MCF2L: variants seen among roughly 807,000 people sequenced by gnomAD.
MCF2L encodes the protein MCF.2 cell line derived transforming sequence like.
A neutral mutation model predicts 153.4 loss-of-function variants in MCF2L; 97 were observed. The ratio of observed to expected loss-of-function variants is 0.63; its 90% CI spans 0.54 to 0.75. The LOEUF (loss-of-function observed/expected upper bound fraction) is 0.75. Among genes scored for constraint, MCF2L ranks in the 30% least tolerant of loss-of-function variants. The pLI, the probability that MCF2L is intolerant of heterozygous loss-of-function variation, is 0.00. For synonymous variants in MCF2L, 659 were observed against 632.2 expected, an observed-to-expected ratio of 1.04 and a Z score of -0.64; for missense variants, 1,347 against 1,495.2, an observed-to-expected ratio of 0.90 and a Z score of 1.64.
At position 113,082,482 on chromosome 13, in the gene MCF2L, T is replaced by C; in HGVS notation, c.1931T>C (p.Leu644Pro). ...ATGGCTCACCTCCTGTCAACAGGCC[T>C]TCACAACAAGAAGGATGTTTTGTTT... ...PLMAHLLSTGLHNKKDVLFGN... is the reference protein window; with the variant it reads ...PLMAHLLSTGPHNKKDVLFGN... The change falls in exon 17 of 30, where the codon CTT (leucine) becomes CCT (proline). Residue 644 changes from leucine (L) to proline (P), a missense_variant. Physicochemically the swap from Leu to Pro is moderately conservative, Grantham distance 98. Around this residue, in one of 3 missense-constraint regions of MCF2L, gnomAD observed 820 missense variants for 921.2 expected, o/e 0.89. Coordinates refer to ENST00000535094, the MANE Select transcript of MCF2L (RefSeq NM_001112732.3). 6.2e-7 allele frequency: 1 copy of C among 1,614,072 alleles called. No individual in the cohort carries two copies. The highest frequency in any genetic ancestry group is 8.5e-7 in the Non-Finnish European group (1 of 1,179,946).
rs1234863000 is a variant in MCF2L, at chr13:113,075,118, T to C, written c.1237T>C (p.Phe413Leu). ...CQELRHLCDQ[F>L]SAEIARRRGL... ...GGAGCTCCGGCACCTCTGTGACCAG[T>C]TCTCTGCGGAGATCGCAAGGAGGAG... Residue 413 changes from phenylalanine to leucine, a missense_variant, in exon 11 of 30, where the codon TTC becomes CTC. Physicochemically the swap from Phe to Leu is conservative, Grantham distance 22. This residue lies in a region of MCF2L where 820 missense variants were observed against 921.2 expected (regional missense o/e 0.89). Coordinates refer to ENST00000535094, the MANE Select transcript of MCF2L (RefSeq NM_001112732.3). 8.1e-6 allele frequency: 13 copies of C among 1,613,410 alleles called. No homozygotes were observed. The highest frequency in any genetic ancestry group is 1.1e-5 in the Non-Finnish European group (13 of 1,179,886).
intron 2 of MCF2L, among the ~76,000 whole-genome samples, chr13:112,905,088 CT>C (rs1232731605): frequency 1.3e-5 from 2 of 152,174 alleles, no homozygotes; most frequent in African/African-American, 4.8e-5. Flanking sequence ...CCCATTCCCC[CT>C]GTTGGAAATA....
chr13:113,058,209 C>T (rs1371894069), intron 4 of MCF2L, among the ~76,000 whole-genome samples: 12 of 114,216 alleles, frequency 1.1e-4, no homozygotes, highest in African/African-American at 3.1e-4. Context: ...AGTTTTTGGG[C>T]GCTGTGTGTT....
At chr13:112,912,315 T>C (rs1226840040) in intron 2 of MCF2L, among the ~76,000 whole-genome samples, 1 of 151,396 alleles carries the variant, frequency 6.6e-6, no homozygotes, top group Non-Finnish European at 1.5e-5. Context: ...AATCTATTAA[T>C]TTATTCCTTT....
Position 113,074,588 on chromosome 13 carries a change from G to T in MCF2L, c.1116+25G>T, listed in dbSNP as rs138927691. 1.2e-6 allele frequency: 2 copies of T among 1,610,480 alleles called. No homozygotes were observed. The highest frequency in any genetic ancestry group is 1.1e-5 in the South Asian group (1 of 91,028). ...CGTAAGGCGGGGTCCCGGCGGGGGC[G>T]GCGGGAGAGTGTGGGCAGCATCATC... On this transcript the variant is annotated intron_variant, in intron 10 of 29. Transcript: ENST00000535094. The surrounding 1 kb of genome is among the most constrained non-coding windows in gnomAD (Gnocchi z 4.2).
At chr13:112,999,651 G>T (rs1434083211) in intron 1 of MCF2L, among the ~76,000 whole-genome samples, 6 of 152,204 alleles carry the variant, frequency 3.9e-5, no homozygotes, top group Admixed American at 3.3e-4. Context: ...TGAGCACATT[G>T]TGGGAGAGGG....
chr13:112,945,664 C>T (rs1289462579), intron 2 of MCF2L, among the ~76,000 whole-genome samples: 1 of 152,232 alleles, frequency 6.6e-6, no homozygotes, highest in Non-Finnish European at 1.5e-5. Flanking sequence ...CCTGGATGCT[C>T]ACATGGCCTC....
chr13:113,052,944 C>T (rs932073421), intron 4 of MCF2L, among the ~76,000 whole-genome samples: 3 of 152,080 alleles, frequency 2.0e-5, no homozygotes, highest in East Asian at 1.9e-4. Flanking sequence ...GACATGCATA[C>T]ACTCAGAGAC....
intron 3 of MCF2L, chr13:113,043,439 C>T (rs562560468): frequency 6.6e-6 from 1 of 152,466 alleles, no homozygotes; most frequent in East Asian, 1.9e-4. Flanking sequence ...CCAAAGGCAG[C>T]TCTGACCACG....
intron 2 of MCF2L, among the ~76,000 whole-genome samples, chr13:112,926,196 G>A (rs2081400377): frequency 6.6e-6 from 1 of 152,156 alleles, no homozygotes; most frequent in South Asian, 2.1e-4. Context: ...GTGCAGTATG[G>A]CCTGGTCTAT....
Position 113,054,210 on chromosome 13 carries a change from C to T in MCF2L, c.370-6383C>T, listed in dbSNP as rs2141651256. ...GATGCACGCCTGTTCTCCAGGTCTGCTTCCCGTGAAATTCGTGGAGATTAT... is the reference window on the plus strand; with the variant it reads ...GATGCACGCCTGTTCTCCAGGTCTGTTTCCCGTGAAATTCGTGGAGATTAT... On this transcript the variant is annotated intron_variant, in intron 4 of 29. Coordinates refer to ENST00000535094, the MANE Select transcript of MCF2L (RefSeq NM_001112732.3). This position sits in a 1 kb window ranked among gnomAD's most constrained non-coding sequence, Gnocchi z 5.2. The T allele has an allele frequency of 6.0e-6, 1 of 167,678 alleles. No individual in the cohort carries two copies. The highest frequency in any genetic ancestry group is 1.5e-5 in the Non-Finnish European group (1 of 68,220). 10.4% of individuals were successfully genotyped at this position (167,678 alleles called of 1,614,324 possible).
At chr13:113,066,447 C>T (rs765188997) in intron 8 of MCF2L, among the ~76,000 whole-genome samples, 3 of 152,176 alleles carry the variant, frequency 2.0e-5, no homozygotes, top group Non-Finnish European at 4.4e-5. Flanking sequence ...ATGAAGGAGG[C>T]GTTAGGGGAA....
intron 2 of MCF2L, among the ~76,000 whole-genome samples, chr13:112,959,724 C>A (rs11620010): frequency 3.9e-5 from 6 of 152,056 alleles, no homozygotes; most frequent in African/African-American, 4.8e-5. Context: ...ATGTCAAAAC[C>A]CAAAAGTGAA....
intron 5 of MCF2L, among the ~76,000 whole-genome samples, chr13:113,062,383 T>C (rs972722170): frequency 6.6e-6 from 1 of 152,232 alleles, no homozygotes; most frequent in South Asian, 2.1e-4. Context: ...AGCTACTCTC[T>C]TGGTGGCTTG....
At chr13:112,894,482 C>T (rs1343881275) in intron 1 of MCF2L, 2 of 151,592 alleles carry the variant, frequency 1.3e-5, no homozygotes, top group East Asian at 3.9e-4. Context: ...CGGGAGGGGG[C>T]GCGGGGCGGA....
intron 3 of MCF2L, among the ~76,000 whole-genome samples, chr13:113,030,313 TGTGG>T (rs1566765949): frequency 4.9e-5 from 6 of 122,498 alleles, no homozygotes; most frequent in Admixed American, 1.6e-4. Context: ...CGACGCCCGG[TGTGG>T]ACCCTCAGGT....
chr13:112,923,578 A>G (rs556125904), intron 2 of MCF2L, among the ~76,000 whole-genome samples: 1 of 152,122 alleles, frequency 6.6e-6, no homozygotes, highest in South Asian at 2.1e-4. Flanking sequence ...TTTACTTCTT[A>G]ACAAATATAT....
intron 1 of MCF2L, among the ~76,000 whole-genome samples, chr13:112,990,785 A>G (rs965475817): frequency 4.9e-4 from 75 of 152,332 alleles, no homozygotes; most frequent in African/African-American, 1.7e-3. Context: ...AGGCCAGGCC[A>G]GGCCCAATGC....
intron 1 of MCF2L, among the ~76,000 whole-genome samples, chr13:112,986,256 G>T (rs1485125661): frequency 2.0e-5 from 3 of 152,258 alleles, no homozygotes; most frequent in Non-Finnish European, 4.4e-5. Flanking sequence ...CTTTCCCGGG[G>T]CCCAGAGTGC....
Sources: allele counts gnomAD v4.1 joint callset (sites outside exome capture counted in the v4.1 genomes callset), GRCh38; gene constraint gnomAD v4.1.1; regional missense constraint gnomAD v4.1.1; non-coding constraint Gnocchi (gnomAD v3.1); transcripts MANE v1.5; gene names NCBI Gene and HGNC (gene_info 2026-07-23, HGNC 2026-07-21).